SRGAP2C: variants seen among roughly 807,000 people sequenced by gnomAD.
SRGAP2C encodes SLIT-ROBO Rho GTPase-activating protein 2C.
Under a neutral mutation model 25.1 loss-of-function variants are expected in SRGAP2C, and 15 were observed. The observed-to-expected ratio is 0.60, with a 90% CI of 0.40 to 0.92. The LOEUF (loss-of-function observed/expected upper bound fraction) is 0.92. Among genes scored for constraint, SRGAP2C ranks in the 40% least tolerant of loss-of-function variants. The probability of loss-of-function intolerance (pLI) is 0.00; values close to 1 mark genes in which losing one functional copy is unlikely to be tolerated. For synonymous variants in SRGAP2C, 44 were observed against 96.6 expected (o/e 0.46, Z 3.19); for missense variants, 144 against 264.4 (o/e 0.54, Z 3.16).
At chr1:121,185,340 C>A in intron 1 of SRGAP2C, 2 of 940,558 alleles carry the variant, frequency 2.1e-6, no homozygotes, top group Non-Finnish European at 2.9e-6. Context: ...CGAGTCTCTC[C>A]GCCCATCACT....
intron 4 of SRGAP2C, chr1:121,360,045 G>T (rs1301152646): frequency 6.6e-6 from 1 of 151,970 alleles, no homozygotes; most frequent in Admixed American, 6.6e-5. Context: ...CTAGCTAAAG[G>T]ATTGTAAATG....
chr1:121,295,799 T>A (rs1180414492), intron 3 of SRGAP2C, among the ~76,000 whole-genome samples: 5 of 152,138 alleles, frequency 3.3e-5, no homozygotes, highest in Admixed American at 3.3e-4. Flanking sequence ...TTCGCTCTTG[T>A]TGCCCAGGCT....
At chr1:121,348,475 G>A (rs1466609160) in intron 4 of SRGAP2C, among the ~76,000 whole-genome samples, 2 of 151,874 alleles carry the variant, frequency 1.3e-5, no homozygotes, top group Non-Finnish European at 2.9e-5. Flanking sequence ...GAATATTCTA[G>A]CAGCTTATTT....
At chr1:121,208,899 C>A (rs1655182488) in intron 2 of SRGAP2C, among the ~76,000 whole-genome samples, 2 of 151,018 alleles carry the variant, frequency 1.3e-5, no homozygotes, top group Non-Finnish European at 3.0e-5. Context: ...CAACTGTAGA[C>A]CTTCATATAA....
intron 2 of SRGAP2C, among the ~76,000 whole-genome samples, chr1:121,198,332 G>T (rs1394169167): frequency 1.2e-4 from 17 of 138,908 alleles, no homozygotes; most frequent in African/African-American, 3.8e-4. Flanking sequence ...TCTTCTAAAT[G>T]CATTAATCAG....
At chr1:121,374,721 G>A (rs1553352516) in intron 6 of SRGAP2C, 105 bp from the exon 7 acceptor site, 6 of 646,488 alleles carry the variant, frequency 9.3e-6, no homozygotes, top group African/African-American at 3.7e-5. Context: ...CGCATAGGGA[G>A]TAGCAACACA....
intron 2 of SRGAP2C, among the ~76,000 whole-genome samples, chr1:121,264,728 C>T (rs1337824381): frequency 1.3e-5 from 2 of 150,650 alleles, no homozygotes; most frequent in South Asian, 2.1e-4. Flanking sequence ...ACTCCTACAG[C>T]ATCGTCTTTT....
intron 4 of SRGAP2C, among the ~76,000 whole-genome samples, chr1:121,340,784 T>C (rs1658635612): frequency 6.6e-6 from 1 of 151,096 alleles, no homozygotes. Context: ...GAAATATCTT[T>C]TGAGGATTTC....
At chr1:121,198,246 G>A (rs1654886814) in intron 2 of SRGAP2C, among the ~76,000 whole-genome samples, 1 of 145,838 alleles carries the variant, frequency 6.9e-6, no homozygotes, top group Non-Finnish European at 1.5e-5. Context: ...TATATTTTAG[G>A]ATATCATCCT....
At chr1:121,249,572 ATATATATATTTTTT>A (rs1484160622) in intron 2 of SRGAP2C, among the ~76,000 whole-genome samples, 2 of 27,488 alleles carry the variant, frequency 7.3e-5, no homozygotes, top group Non-Finnish European at 1.3e-4. Context: ...ATATATATAT[ATATATATATTTTTT>A]TTTTTTTTTT....
chr1:121,384,860 C>G (rs1216480891), intron 8 of SRGAP2C, among the ~76,000 whole-genome samples: 2 of 152,192 alleles, frequency 1.3e-5, no homozygotes, highest in Admixed American at 1.3e-4. Context: ...CTTAAAGGAA[C>G]AGGCTTGGAG....
chr1:121,378,033 G>T (rs1217646131), intron 7 of SRGAP2C, among the ~76,000 whole-genome samples: 1 of 151,764 alleles, frequency 6.6e-6, no homozygotes, highest in Non-Finnish European at 1.5e-5. Flanking sequence ...AACAGAGGAA[G>T]ATCTCAGTCT....
At chr1:121,235,203 G>A (rs1205098007) in intron 2 of SRGAP2C, among the ~76,000 whole-genome samples, 1 of 129,772 alleles carries the variant, frequency 7.7e-6, no homozygotes, top group African/African-American at 3.1e-5. Flanking sequence ...AATTTTTTTT[G>A]TATTTTTAGC....
At chr1:121,385,044 G>A (rs1472202111) in intron 8 of SRGAP2C, among the ~76,000 whole-genome samples, 1 of 151,942 alleles carries the variant, frequency 6.6e-6, no homozygotes, top group East Asian at 1.9e-4. Flanking sequence ...AAAAAGAGAT[G>A]AGAGGGTGGG....
At chr1:121,259,854 T>C (rs1229452985) in intron 2 of SRGAP2C, among the ~76,000 whole-genome samples, 3 of 140,990 alleles carry the variant, frequency 2.1e-5, no homozygotes, top group Non-Finnish European at 3.1e-5. Context: ...TTTTTTTTTT[T>C]TTTTTTTTTT....
At chr1:121,278,396 CA>C (rs1391899478) in intron 2 of SRGAP2C, among the ~76,000 whole-genome samples, 1 of 150,490 alleles carries the variant, frequency 6.6e-6, no homozygotes, top group Non-Finnish European at 1.5e-5. Flanking sequence ...TAAGTAATGT[CA>C]GTCACTGAGG....
chr1:121,297,535 A>C (rs1422099603), intron 3 of SRGAP2C, among the ~76,000 whole-genome samples: 2 of 144,516 alleles, frequency 1.4e-5, no homozygotes, highest in Non-Finnish European at 3.0e-5. Flanking sequence ...TCTTCTAAGG[A>C]TATATATAAT....
At chr1:121,237,525 T>A (rs1553328940) in intron 2 of SRGAP2C, among the ~76,000 whole-genome samples, 1 of 151,674 alleles carries the variant, frequency 6.6e-6, no homozygotes. Context: ...TGACTCTGTA[T>A]AAGCTTTGCT....
intron 5 of SRGAP2C, among the ~76,000 whole-genome samples, chr1:121,370,648 GTT>G (rs1659461439): frequency 6.6e-6 from 1 of 152,080 alleles, no homozygotes; most frequent in Non-Finnish European, 1.5e-5. Flanking sequence ...GTTTCATTGT[GTT>G]AACCAGGATG....
Sources: gnomAD v4.1 joint callset for allele counts (sites outside exome capture counted in the v4.1 genomes callset) on GRCh38, gnomAD v4.1.1 for gene constraint, MANE v1.5 for transcripts, NCBI Gene and HGNC (gene_info 2026-07-23, HGNC 2026-07-21) for gene names.